The following ZFAND6 variants were observed in gnomAD, a reference collection of about 807,000 sequenced individuals.
ZFAND6 encodes the protein AN1-type zinc finger protein 6.
A neutral mutation model predicts 24.5 loss-of-function variants in ZFAND6; 12 were observed. That is an observed-to-expected ratio of 0.49 (90% confidence interval 0.31 to 0.79). The LOEUF (loss-of-function observed/expected upper bound fraction) is 0.79, where lower values mean the gene tolerates loss of function less well. ZFAND6 is among the 30% of genes least tolerant of loss of function. The pLI is 0.04. For synonymous variants in ZFAND6, 92 were observed against 81.5 expected (o/e 1.13, Z -0.69); for missense variants, 207 against 245.9 (o/e 0.84, Z 1.06).
At chr15:80,077,686 G>A (rs1160768817) in intron 1 of ZFAND6, among the ~76,000 whole-genome samples, 1 of 146,130 alleles carries the variant, frequency 6.8e-6, no homozygotes, top group African/African-American at 2.5e-5. Context: ...GAATAGGAGT[G>A]AGTTTTCTTT....
At chr15:80,061,234 A>G (rs2036316316) in intron 1 of ZFAND6, among the ~76,000 whole-genome samples, 1 of 152,234 alleles carries the variant, frequency 6.6e-6, no homozygotes, top group Non-Finnish European at 1.5e-5. Flanking sequence ...AGGAGAAAAT[A>G]CAGGGGTCGG....
At chr15:80,088,031 ATTAAG>A (rs147730693) in intron 1 of ZFAND6, among the ~76,000 whole-genome samples, 9,624 of 152,282 alleles carry the variant, frequency 0.063, 398 homozygotes, top group East Asian at 0.19. Flanking sequence ...ACACAGTGTG[ATTAAG>A]TTATCAAAAT....
Position 80,128,389 on chromosome 15 carries a change from C to T in ZFAND6, c.365-2791C>T, listed in dbSNP as rs147736086. On this transcript the variant is annotated intron_variant, in intron 5 of 6. Coordinates refer to ENST00000261749, the MANE Select transcript of ZFAND6 (RefSeq NM_019006.4). ...CTGGAGGATGACTTGTGAGTGCAAA[C>T]GCATACAGGTAGGAAAAATGAAATT... Among the ~76,000 whole-genome samples the T allele has an allele frequency of 5.3e-3, 805 of 152,198 alleles. 9 individuals carry two copies. The highest frequency in any genetic ancestry group is 0.018 in the African/African-American group (768 of 41,526).
intron 1 of ZFAND6, among the ~76,000 whole-genome samples, chr15:80,063,608 A>G (rs1030752134): frequency 2.0e-5 from 3 of 150,598 alleles, no homozygotes; most frequent in African/African-American, 7.3e-5. Flanking sequence ...TACAGGCTAG[A>G]GTGCAGTGGC....
At chr15:80,105,583 C>T (rs924052710) in intron 2 of ZFAND6, among the ~76,000 whole-genome samples, 1 of 152,128 alleles carries the variant, frequency 6.6e-6, no homozygotes, top group African/African-American at 2.4e-5. Context: ...CCAGTTGACC[C>T]CCTCAAAATT....
chr15:80,079,200 A>G (rs2037482877), intron 1 of ZFAND6, among the ~76,000 whole-genome samples: 1 of 151,834 alleles, frequency 6.6e-6, no homozygotes, highest in Admixed American at 6.6e-5. Flanking sequence ...TATTCTGTAG[A>G]TTATCTGTTT....
chr15:80,076,401 G>A (rs1002051661), intron 1 of ZFAND6, among the ~76,000 whole-genome samples: 6 of 150,066 alleles, frequency 4.0e-5, no homozygotes, highest in Admixed American at 6.6e-5. Flanking sequence ...TCCTTCACGT[G>A]TTAGCATAAG....
intron 3 of ZFAND6, 21 bp from the exon 4 acceptor site, chr15:80,121,691 C>T (rs374621626): frequency 5.7e-6 from 9 of 1,584,998 alleles, no homozygotes; most frequent in Admixed American, 5.0e-5. Flanking sequence ...ATCACTAATA[C>T]GCAATGTGGT....
At chr15:80,068,139 T>TTTGTTTG (rs1555426709) in intron 1 of ZFAND6, among the ~76,000 whole-genome samples, 44 of 136,960 alleles carry the variant, frequency 3.2e-4, no homozygotes, top group Middle Eastern at 7.8e-3. Context: ...TTTTTTTTTT[T>TTTGTTTG]TTTGTTTGTT....
chr15:80,107,783 C>T lies in ZFAND6; in HGVS notation c.-18+9205C>T, dbSNP rs138187333. 0.02 allele frequency among the ~76,000 whole-genome samples: 3,084 copies of T among 151,382 alleles called. 226 individuals carry two copies. In the East Asian group the frequency reaches 0.22, roughly 11 times the overall value. On this transcript the variant is annotated intron_variant, in intron 2 of 6. Coordinates refer to ENST00000261749, the MANE Select transcript of ZFAND6 (RefSeq NM_019006.4). ...GCAGTGAGCCAAGATCGTGCCACTG[C>T]ACTCCAGCCTGGGCAACAAGAGCAA... is the stretch of plus-strand genomic sequence containing the variant.
intron 1 of ZFAND6, among the ~76,000 whole-genome samples, chr15:80,068,781 A>G (rs904866775): frequency 6.6e-6 from 1 of 152,216 alleles, no homozygotes; most frequent in Non-Finnish European, 1.5e-5. Context: ...CAATGTGACT[A>G]CTAGGAAATA....
At position 80,136,302 on chromosome 15, in the gene ZFAND6, T is replaced by C. The variant is rs145849247; in HGVS notation, c.479-1178T>C. Among the ~76,000 whole-genome samples, 805 of 152,072 alleles carry C rather than the reference T, an allele frequency of 5.3e-3. 11 individuals carry two copies. Among genetic ancestry groups the C allele is most frequent in the African/African-American group, 0.019 (771 of 41,480 alleles). On this transcript the variant is annotated intron_variant, in intron 6 of 6. Coordinates refer to ENST00000261749, the MANE Select transcript of ZFAND6 (RefSeq NM_019006.4). The stretch of plus-strand genomic sequence containing the variant: ...CAACATGGTGAAACTCAGTCTCTAC[T>C]AAAAATACAAAAATTAGCTGGGTGT...
chr15:80,095,854 T>C (rs530340020), intron 1 of ZFAND6, among the ~76,000 whole-genome samples: 1 of 152,350 alleles, frequency 6.6e-6, no homozygotes, highest in Admixed American at 6.5e-5. Context: ...TAATTTCATA[T>C]AGTCACTTCT....
chr15:80,094,727 T>G (rs775431955), intron 1 of ZFAND6, among the ~76,000 whole-genome samples: 4 of 152,160 alleles, frequency 2.6e-5, no homozygotes, highest in Non-Finnish European at 5.9e-5. Context: ...ATTAAGGAAA[T>G]ATGCAGTTAT....
At chr15:80,116,735 A>G (rs977388930) in intron 2 of ZFAND6, among the ~76,000 whole-genome samples, 1 of 152,224 alleles carries the variant, frequency 6.6e-6, no homozygotes, top group African/African-American at 2.4e-5. Context: ...CTGTGGCCCA[A>G]CACAAATTCA....
At chr15:80,097,561 A>G (rs747197520) in intron 1 of ZFAND6, among the ~76,000 whole-genome samples, 6 of 152,064 alleles carry the variant, frequency 3.9e-5, no homozygotes, top group Non-Finnish European at 7.4e-5. Flanking sequence ...AGGCAGGAGA[A>G]TCTCTTGAAC....
chr15:80,106,938 C>T (rs746332619), intron 2 of ZFAND6, among the ~76,000 whole-genome samples: 2 of 152,172 alleles, frequency 1.3e-5, no homozygotes, highest in South Asian at 2.1e-4. Flanking sequence ...AAGGGCCGGG[C>T]GCAGTGGCTC....
intron 2 of ZFAND6, among the ~76,000 whole-genome samples, chr15:80,118,262 A>C (rs1167650136): frequency 6.6e-6 from 1 of 152,104 alleles, no homozygotes; most frequent in Non-Finnish European, 1.5e-5. Context: ...AGCTGGGACT[A>C]CAGGCACACG....
At chr15:80,079,864 G>A (rs1022849866) in intron 1 of ZFAND6, among the ~76,000 whole-genome samples, 2 of 151,406 alleles carry the variant, frequency 1.3e-5, no homozygotes, top group African/African-American at 4.9e-5. Flanking sequence ...CCGTAGCCAG[G>A]ATGGTCTCGA....
Sources: gnomAD v4.1 joint callset for allele counts (sites outside exome capture counted in the v4.1 genomes callset) on GRCh38, gnomAD v4.1.1 for gene constraint, MANE v1.5 for transcripts, NCBI Gene and HGNC (gene_info 2026-07-23, HGNC 2026-07-21) for gene names.